IRAK1: variants seen among roughly 807,000 people sequenced by gnomAD.
IRAK1 encodes the protein interleukin 1 receptor associated kinase 1.
IRAK1 carries 9 observed loss-of-function variants against 49.8 expected under a neutral mutation model. The ratio of observed to expected loss-of-function variants is 0.18; its 90% confidence interval spans 0.11 to 0.32. The LOEUF (loss-of-function observed/expected upper bound fraction) is 0.32, where lower values mean the gene tolerates loss of function less well. Ranked by LOEUF, IRAK1 falls within the 10% of genes least tolerant of loss-of-function variation. The probability of loss-of-function intolerance (pLI) is 1.00; values close to 1 mark genes in which losing one functional copy is unlikely to be tolerated. For synonymous variants in IRAK1, 282 were observed against 270.8 expected (o/e 1.04, Z -0.41); for missense variants, 418 against 600.5 (o/e 0.70, Z 3.18).
In IRAK1 at chrX:154,018,731, G is replaced by C. The variant is rs781887763; in HGVS notation, c.597C>G (p.Cys199Trp). The C allele has an allele frequency of 9.5e-7, 1 of 1,051,872 alleles. No homozygotes were observed. Among genetic ancestry groups the C allele is most frequent in the East Asian group, 3.0e-5 (1 of 33,175 alleles). 86.7% of individuals were successfully genotyped at this position (1,051,872 alleles called of 1,213,427 possible). ...LLQGARPFPF[C>W]WPLCEISRGT... ...CCCGGGAAATCTCACAGAGGGGCCA[G>C]CAAAACGGAAAGGGGCGGGCTCCCT... Residue 199 changes from cysteine (C) to tryptophan (W), a missense_variant, in exon 5 of 14, where the codon TGC becomes TGG. Cys to Trp is a radical substitution (Grantham distance 215). Coordinates refer to ENST00000369980, the MANE Select transcript of IRAK1 (RefSeq NM_001569.4).
In IRAK1 at chrX:154,018,966, G is replaced by A. The variant is rs782614303; in HGVS notation, c.540+9C>T. ...CTCGAATCTTCCCTGGGGGGCAGGG[G>A]ACACCTACCTTGGTAGAAGAAGGGG... On this transcript the variant is annotated intron_variant, in intron 4 of 13. Coordinates refer to ENST00000369980, the MANE Select transcript of IRAK1 (RefSeq NM_001569.4). 10 of 1,169,019 alleles carry A rather than the reference G, an allele frequency of 8.6e-6. No homozygotes were observed. The highest frequency in any genetic ancestry group is 1.2e-5 in the Non-Finnish European group (10 of 866,458).
At position 154,014,067 on chromosome X, in the gene IRAK1, G is replaced by A; in HGVS notation, c.1514C>T (p.Ala505Val). The A allele has an allele frequency of 5.9e-6, 7 of 1,195,166 alleles. No homozygotes were observed. The highest frequency in any genetic ancestry group is 2.4e-5 in the Admixed American group (1 of 41,169). ...CTGGGTCATAGGAGGCCTCCTTTTG[G>A]CCCGGCGGTGCAGGCAGCAGCAGGC... ...QLACCCLHRR[A>V]KRRPPMTQVY... The change falls in exon 11 of 14, where the codon GCC becomes GTC. Residue 505 changes from alanine (A) to valine (V), a missense_variant. Ala to Val is a moderately conservative substitution (Grantham distance 64). Transcript: ENST00000369980.
chrX:154,014,766 A>C (rs1189757677), intron 10 of IRAK1, among the ~76,000 whole-genome samples: 1 of 111,943 alleles, frequency 8.9e-6, no homozygotes, highest in East Asian at 2.8e-4. Context: ...CTAGAGATTT[A>C]TTAAACACCT....
At chrX:154,011,954 G>C in intron 13 of IRAK1, 37 bp from the exon 14 acceptor site, 1 of 1,144,030 alleles carries the variant, frequency 8.7e-7, no homozygotes, top group Non-Finnish European at 1.2e-6. Context: ...TAGCAAATGG[G>C]GGAGGCTCCC....
chrX:154,019,653 C>T, intron 1 of IRAK1, 24 bp downstream of exon 1: 1 of 957,658 alleles, frequency 1.0e-6, no homozygotes, highest in East Asian at 4.3e-5. Context: ...GCCTCCCGCC[C>T]CCCGGCAGCC....
chrX:154,019,531 G>C lies in IRAK1; in HGVS notation c.204C>G (p.Ser68Arg). ...TGCGGTTGATCCAGGGCCACAGGAC[G>C]CTGGCCGTGCGCTGCCCGGAGCGCT... ...LCERSGQRTA[S>R]VLWPWINRNA... Residue 68 changes from serine to arginine, a missense_variant, in exon 2 of 14, where the codon AGC becomes AGG. Physicochemically the swap from Ser to Arg is moderately radical, Grantham distance 110. Around this residue, in one of 3 missense-constraint regions of IRAK1, gnomAD observed 21 missense variants for 84.9 expected, o/e 0.25. Transcript: ENST00000369980. 8.5e-7 allele frequency: 1 copy of C among 1,180,743 alleles called. No individual in the cohort carries two copies. Among genetic ancestry groups the C allele is most frequent in the Non-Finnish European group, 1.1e-6 (1 of 885,925 alleles).
At chrX:154,017,303 C>G (rs2065746307) in intron 7 of IRAK1, among the ~76,000 whole-genome samples, 1 of 112,457 alleles carries the variant, frequency 8.9e-6, no homozygotes, top group Non-Finnish European at 1.9e-5. Flanking sequence ...CCCTTTGTCC[C>G]TGGTGGTCGG....
intron 11 of IRAK1, 76 bp downstream of exon 11, chrX:154,013,966 A>T (rs2065720459): frequency 2.7e-6 from 3 of 1,115,010 alleles, no homozygotes; most frequent in Non-Finnish European, 3.6e-6. Context: ...AGGTGCTGAG[A>T]TGGGGTCACT....
rs781990807 is a variant in IRAK1, at chrX:154,011,815, G to A, written c.*44C>T. The A allele has an allele frequency of 8.6e-7, 1 of 1,161,399 alleles. No homozygotes were observed. Among genetic ancestry groups the A allele is most frequent in the Non-Finnish European group, 1.2e-6 (1 of 849,003 alleles). On this transcript the variant is annotated 3_prime_UTR_variant, in exon 14 of 14. Coordinates refer to ENST00000369980, the MANE Select transcript of IRAK1 (RefSeq NM_001569.4). ...GCACCATGAGAACTTCTGACCATGAGAACTTTGACTTCCGGATTTGGGGGA... is the reference window on the plus strand; with the variant it reads ...GCACCATGAGAACTTCTGACCATGAAAACTTTGACTTCCGGATTTGGGGGA...
chrX:154,016,698 G>A (rs2065741225), intron 8 of IRAK1, 54 bp from the exon 9 acceptor site: 5 of 1,041,137 alleles, frequency 4.8e-6, no homozygotes, highest in Middle Eastern at 2.9e-4. Flanking sequence ...ACACCTGCCC[G>A]GCTTAGATAA....
chrX:154,017,652 C>G (rs1048471840), intron 7 of IRAK1, among the ~76,000 whole-genome samples: 1 of 109,920 alleles, frequency 9.1e-6, no homozygotes, highest in Non-Finnish European at 1.9e-5. Context: ...AAAAATTAGG[C>G]AGGTGTGGTG....
chrX:154,010,681 G>A lies in IRAK1; in HGVS notation c.*1178C>T, dbSNP rs1382414689. On this transcript the variant is annotated 3_prime_UTR_variant, in exon 14 of 14. Coordinates refer to ENST00000369980, the MANE Select transcript of IRAK1 (RefSeq NM_001569.4). ...CACTCGGTTACATGAAACCTGACTT[G>A]CTTCTGAAGACATGTGATACATGTC... is the stretch of plus-strand genomic sequence containing the variant. 2.7e-5 allele frequency: 6 copies of A among 221,142 alleles called. No homozygotes were observed. The highest frequency in any genetic ancestry group is 1.4e-4 in the African/African-American group (5 of 34,640). 18.2% of individuals were successfully genotyped at this position (221,142 alleles called of 1,213,427 possible). A position where few individuals can be genotyped will look rare whatever the true frequency, so the allele number is the denominator to read the frequency against.
At position 154,018,753 on chromosome X, in the gene IRAK1, C is replaced by T; in HGVS notation, c.575G>A (p.Gly192Glu). 2 of 946,072 alleles carry T rather than the reference C, an allele frequency of 2.1e-6. No individual in the cohort carries two copies. Among genetic ancestry groups the T allele is most frequent in the Non-Finnish European group, 3.1e-6 (2 of 653,433 alleles). The allele number at this position is 946,072 out of a possible 1,213,427, so 78.0% of individuals were successfully genotyped here. A position where few individuals can be genotyped will look rare whatever the true frequency, so the allele number is the denominator to read the frequency against. Residue 192 changes from glycine to glutamate, a missense_variant, in exon 5 of 14, where the codon GGA (glycine) becomes GAA (glutamate). Transcript: ENST00000369980. Reference protein sequence around the residue: ...GPESSVSLLQGARPFPFCWPL... With the variant: ...GPESSVSLLQEARPFPFCWPL... ...CCAGCAAAACGGAAAGGGGCGGGCT[C>T]CCTGCAGGAGGGACACTGAGCTCTC...
Position 154,017,040 on chromosome X carries a change from G to A in IRAK1, c.937C>T (p.Pro313Ser). 3 of 1,208,993 alleles carry A rather than the reference G, an allele frequency of 2.5e-6. No homozygotes were observed. The highest frequency in any genetic ancestry group is 2.2e-6 in the Non-Finnish European group (2 of 892,755). ...QTQACPPLSWPQRLDILLGTA... is the reference protein window; with the variant it reads ...QTQACPPLSWSQRLDILLGTA... ...CCCAGAAGGATGTCCAGTCGCTGAG[G>A]CCAGGAGAGAGGTGGGCAGGCCTGG... Residue 313 changes from proline (P) to serine (S), a missense_variant, in exon 8 of 14, where the codon CCT becomes TCT. Pro to Ser is a moderately conservative substitution (Grantham distance 74). Coordinates refer to ENST00000369980, the MANE Select transcript of IRAK1 (RefSeq NM_001569.4).
At position 154,019,294 on chromosome X, in the gene IRAK1, G is replaced by A. The variant is rs1557130733; in HGVS notation, c.339C>T (p.Thr113=). Residue 113 remains threonine, a synonymous_variant, in exon 3 of 14, where the codon ACC becomes ACT. Coordinates refer to ENST00000369980, the MANE Select transcript of IRAK1 (RefSeq NM_001569.4). ...GGATGCTGCTGGGCCTCGGGGCAGT[G>A]GTGCCTGGGGACGGAAGCGGGGCGG... ...HPPAPLPSPG[T]TAPRPSSIPA... is the part of the protein sequence containing the mutation. 21 of 1,179,429 alleles carry A rather than the reference G, an allele frequency of 1.8e-5. No homozygotes were observed. Among genetic ancestry groups the A allele is most frequent in the Non-Finnish European group, 2.2e-5 (19 of 879,017 alleles).
rs781894144 is a variant in IRAK1 at position 154,019,374 on chromosome X, A to G, written c.305-46T>C. ...AGGAAGGTTGAGGCCCGGGTGGGGG[A>G]GCCCCGTGGGGCCCGCCGGCCTCCC... On this transcript the variant is annotated intron_variant, in intron 2 of 13. Coordinates refer to ENST00000369980, the MANE Select transcript of IRAK1 (RefSeq NM_001569.4). 3.5e-6 allele frequency: 4 copies of G among 1,130,854 alleles called. No homozygotes were observed. In the East Asian group the frequency reaches 9.2e-5, roughly 26 times the overall value. 93.2% of individuals were successfully genotyped at this position (1,130,854 alleles called of 1,213,427 possible).
intron 3 of IRAK1, 44 bp downstream of exon 3, chrX:154,019,153 G>A (rs1557130643): frequency 8.3e-7 from 1 of 1,208,541 alleles, no homozygotes; most frequent in African/African-American, 1.7e-5. Flanking sequence ...GTCAAGGTGG[G>A]CTCTTCTTTG....
rs202066173 is a variant in IRAK1 at position 154,018,985 on chromosome X, G to A, written c.530C>T (p.Ser177Phe). 4.7e-5 allele frequency: 56 copies of A among 1,194,817 alleles called. 1 individual carries two copies. In the Admixed American group the frequency reaches 5.9e-4, roughly 13 times the overall value. The change falls in exon 4 of 14, where the codon TCT becomes TTT. Residue 177 changes from serine to phenylalanine, a missense_variant. This residue lies in a region of IRAK1 where 377 missense variants were observed against 499.5 expected (regional missense o/e 0.75). Coordinates refer to ENST00000369980, the MANE Select transcript of IRAK1 (RefSeq NM_001569.4). ...LWPPPPSPAP[S>F]STKPGPESSV... ...GCAGGGGACACCTACCTTGGTAGAA[G>A]AAGGGGCTGGAGATGGCGGTGGAGG...
At position 154,011,614 on chromosome X, in the gene IRAK1, CGCCAGCCTCCTCACTGGATGAT is replaced by C. The variant is rs782261033; in HGVS notation, c.*223_*244del. The stretch of plus-strand genomic sequence containing the variant: ...GTGCAGCCAGCAGCCTCCCAACATG[CGCCAGCCTCCTCACTGGATGAT>C]GCCAGCCTTCCTTGCCCCCAGATGC... On this transcript the variant is annotated 3_prime_UTR_variant, in exon 14 of 14. Transcript: ENST00000369980. 21 of 459,984 alleles carry C rather than the reference CGCCAGCCTCCTCACTGGATGAT, an allele frequency of 4.6e-5. No individual in the cohort carries two copies. The highest frequency in any genetic ancestry group is 4.0e-4 in the African/African-American group (17 of 42,522). 37.9% of individuals were successfully genotyped at this position (459,984 alleles called of 1,213,427 possible). A position where few individuals can be genotyped will look rare whatever the true frequency, so the allele number is the denominator to read the frequency against.
Sources: gnomAD v4.1 joint callset for allele counts (sites outside exome capture counted in the v4.1 genomes callset) on GRCh38, gnomAD v4.1.1 for gene constraint, gnomAD v4.1.1 regional missense constraint, MANE v1.5 for transcripts, NCBI Gene and HGNC (gene_info 2026-07-23, HGNC 2026-07-21) for gene names.